Variants in CACNA1G observed in about 807,000 individuals in gnomAD.
The protein encoded by CACNA1G is calcium voltage-gated channel subunit alpha1 G.
CACNA1G carries 67 observed loss-of-function variants against 219.4 expected under a neutral mutation model. The ratio of observed to expected loss-of-function variants is 0.31; its 90% CI spans 0.25 to 0.37. The LOEUF is 0.37. Among genes scored for constraint, CACNA1G ranks in the 10% least tolerant of loss-of-function variants. The pLI is 1.00. For missense variants in CACNA1G, 2,380 were observed against 3,231.4 expected, an observed-to-expected ratio of 0.74 and a Z score of 6.39; for synonymous variants, 1,296 against 1,345.3, an observed-to-expected ratio of 0.96 and a Z score of 0.80.
chr17:50,618,153 G>T lies in CACNA1G; in HGVS notation c.5305+27G>T, dbSNP rs1221503548. 2.5e-6 allele frequency: 4 copies of T among 1,613,252 alleles called. No homozygotes were observed. The South Asian group carries it at 3.3e-5, about 13-fold the overall frequency. On this transcript the variant is annotated intron_variant, in intron 31 of 37. Transcript: ENST00000359106. This position sits in a 1 kb window ranked among gnomAD's most constrained non-coding sequence, Gnocchi z 5.3. ...TGAGTTGGGGTAGGGGAGGGTGGAG[G>T]AGCCAGGGCTGGAGACCAGGGGGCT...
intron 9 of CACNA1G, among the ~76,000 whole-genome samples, chr17:50,589,241 C>T (rs1264968163): frequency 6.6e-6 from 1 of 152,076 alleles, no homozygotes; most frequent in Non-Finnish European, 1.5e-5. Flanking sequence ...GCTCATGATC[C>T]CCCCACCCCG....
In CACNA1G at chr17:50,576,326, G is replaced by A. The variant is rs759240788; in HGVS notation, c.1924G>A (p.Gly642Ser). 1.5e-4 allele frequency: 236 copies of A among 1,567,186 alleles called. No homozygotes were observed. Among genetic ancestry groups the A allele is most frequent in the Non-Finnish European group, 2.0e-4 (230 of 1,156,172 alleles). ...MHKLLETQSTGACQSSCKISS... is the reference protein window; with the variant it reads ...MHKLLETQSTSACQSSCKISS... ...CAAGCTGCTGGAGACACAGAGTACAGGTGAGAACTCTGGGTGGAGGCATGT... is the reference window on the plus strand; with the variant it reads ...CAAGCTGCTGGAGACACAGAGTACAAGTGAGAACTCTGGGTGGAGGCATGT... Residue 642 changes from glycine (G) to serine (S), a missense_variant and splice_region_variant, in exon 8 of 38, where the codon GGT (glycine) becomes AGT (serine). Transcript: ENST00000359106.
rs1207353614 is a variant in CACNA1G, at chr17:50,599,576, G to T, written c.3407G>T (p.Gly1136Val). 1 of 1,612,872 alleles carries T rather than the reference G, an allele frequency of 6.2e-7. No individual in the cohort carries two copies. The highest frequency in any genetic ancestry group is 8.5e-7 in the Non-Finnish European group (1 of 1,179,532). ...CGGCGGTCCCTGTTGTCGGGAGAAGGCCAGGAGAGCCAGGATGAAGAGGAG... is the reference window on the plus strand; with the variant it reads ...CGGCGGTCCCTGTTGTCGGGAGAAGTCCAGGAGAGCCAGGATGAAGAGGAG... ...GERRSLLSGE[G>V]QESQDEEESS... Residue 1136 changes from glycine to valine, a missense_variant, in exon 17 of 38, where the codon GGC becomes GTC. Coordinates refer to ENST00000359106, the MANE Select transcript of CACNA1G (RefSeq NM_018896.5).
intron 7 of CACNA1G, 115 bp downstream of exon 7, chr17:50,573,228 C>T (rs1259764645): frequency 2.7e-6 from 2 of 732,954 alleles, no homozygotes; most frequent in South Asian, 1.6e-5. Context: ...AGGACAAGTC[C>T]TGTAGAGAGG....
Position 50,573,124 on chromosome 17 carries a change from C to A in CACNA1G, c.1140+11C>A, listed in dbSNP as rs532763901. The A allele has an allele frequency of 1.5e-5, 24 of 1,551,106 alleles. No individual in the cohort carries two copies. In the African/African-American group the frequency reaches 2.0e-4, roughly 13 times the overall value. ...ATCCTCCTCATCATCGTGAGTGACT[C>A]CTCAGATCCCCGTGGGGATGGGCGA... On this transcript the variant is annotated intron_variant, in intron 7 of 37. Transcript: ENST00000359106.
intron 3 of CACNA1G, 61 bp from the exon 4 acceptor site, chr17:50,569,645 C>G (rs760894370): frequency 7.9e-5 from 94 of 1,193,516 alleles, no homozygotes; most frequent in Middle Eastern, 3.8e-4. Context: ...CCTCATTGAC[C>G]TCTTTTGACC....
intron 3 of CACNA1G, 112 bp downstream of exon 3, chr17:50,569,410 C>A: frequency 1.7e-6 from 2 of 1,161,936 alleles, no homozygotes; most frequent in Non-Finnish European, 2.5e-6. Flanking sequence ...GCACCACTTT[C>A]TCCCTGGCTA....
chr17:50,597,092 C>T (rs967332948), intron 16 of CACNA1G, among the ~76,000 whole-genome samples, 169 bp downstream of exon 16: 1 of 152,122 alleles, frequency 6.6e-6, no homozygotes, highest in Non-Finnish European at 1.5e-5. Flanking sequence ...GTGATGCAAA[C>T]CAGGGTAGGA....
At chr17:50,604,067 CA>C in intron 21 of CACNA1G, 87 bp from the exon 22 acceptor site, 2 of 1,394,542 alleles carry the variant, frequency 1.4e-6, no homozygotes, top group Non-Finnish European at 1.9e-6. Flanking sequence ...GACCAGTGGT[CA>C]AGGTTGGGGG....
At chr17:50,623,263 ATTTTT>A (rs35058899) in intron 35 of CACNA1G, among the ~76,000 whole-genome samples, 1,590 of 50,908 alleles carry the variant, frequency 0.031, 55 homozygotes, top group African/African-American at 0.14. Flanking sequence ...TATCCAGCTA[ATTTTT>A]TTTTTTTTTT....
intron 4 of CACNA1G, among the ~76,000 whole-genome samples, chr17:50,570,899 G>T (rs2039291528): frequency 6.6e-6 from 1 of 152,208 alleles, no homozygotes. Flanking sequence ...CACCAAGAGG[G>T]TTAATTAGCT....
At chr17:50,609,969 G>A (rs776687415) in intron 26 of CACNA1G, 34 bp downstream of exon 26, 8 of 1,589,000 alleles carry the variant, frequency 5.0e-6, no homozygotes, top group Non-Finnish European at 3.4e-6. Context: ...CATGCGTGTG[G>A]GGACATGCTC....
rs543673731 is a variant in CACNA1G, at chr17:50,578,391, A to T, written c.2128A>T (p.Ser710Cys). The T allele has an allele frequency of 8.2e-5, 133 of 1,613,184 alleles. No individual in the cohort carries two copies. The highest frequency in any genetic ancestry group is 1.1e-4 in the Non-Finnish European group (129 of 1,179,854). Residue 710 changes from serine (S) to cysteine (C), a missense_variant, in exon 9 of 38, where the codon AGC becomes TGC. Physicochemically the swap from Ser to Cys is moderately radical, Grantham distance 112. This residue lies in a region of CACNA1G where 434 missense variants were observed against 417.3 expected (regional missense o/e 1.04). Transcript: ENST00000359106. The surrounding 1 kb of genome is among the most constrained non-coding windows in gnomAD (Gnocchi z 4.5). ...AQHSDLRDPH[S>C]RRQRSLGPDA... ...GCACAGCGACCTCCGGGACCCCCAC[A>T]GCCGGCGGCAACGGAGCCTGGGCCC...
At chr17:50,602,736 G>A in intron 19 of CACNA1G, 84 bp from the exon 20 acceptor site, 2 of 1,198,658 alleles carry the variant, frequency 1.7e-6, no homozygotes, top group Non-Finnish European at 2.5e-6. Flanking sequence ...GTTAGAAGCA[G>A]GTTTTGACTT....
intron 34 of CACNA1G, 93 bp downstream of exon 34, chr17:50,619,919 C>T (rs2051403353): frequency 7.8e-7 from 1 of 1,278,758 alleles, no homozygotes; most frequent in Non-Finnish European, 1.1e-6. Flanking sequence ...AGTGTTCCTG[C>T]CCACTGGGTA....
At chr17:50,606,810 C>A in intron 23 of CACNA1G, 90 bp from the exon 24 acceptor site, 3 of 870,728 alleles carry the variant, frequency 3.4e-6, no homozygotes, top group Admixed American at 2.0e-5. Flanking sequence ...GTACTTGGAG[C>A]TGATGCAGGA....
chr17:50,608,313 C>T (rs535424257), intron 25 of CACNA1G, among the ~76,000 whole-genome samples: 59 of 152,178 alleles, frequency 3.9e-4, no homozygotes, highest in African/African-American at 1.3e-3. Flanking sequence ...CCAGCCTCCC[C>T]GAGCTTGACT....
At chr17:50,569,433 C>A in intron 3 of CACNA1G, 135 bp downstream of exon 3, 1 of 941,034 alleles carries the variant, frequency 1.1e-6, no homozygotes, top group Non-Finnish European at 1.6e-6. Context: ...TCCTGAGGGT[C>A]TGAGGCTGCC....
rs1011996354 is a variant in CACNA1G, at chr17:50,603,262, C to T, written c.4169+63C>T. On this transcript the variant is annotated intron_variant, in intron 21 of 37. Coordinates refer to ENST00000359106, the MANE Select transcript of CACNA1G (RefSeq NM_018896.5). The surrounding 1 kb of genome is among the most constrained non-coding windows in gnomAD (Gnocchi z 6.4). Reference sequence around the variant, plus strand: ...TGGCCCCCTCCGCAGGGACATCTCCCACCGCCAGCACTCCCTGCCACGAAA... The same window carrying T: ...TGGCCCCCTCCGCAGGGACATCTCCTACCGCCAGCACTCCCTGCCACGAAA... The T allele has an allele frequency of 1.0e-5, 14 of 1,378,024 alleles. No individual in the cohort carries two copies. The African/African-American group carries it at 1.6e-4, about 15-fold the overall frequency. The allele number at this position is 1,378,024 out of a possible 1,614,324, so 85.4% of individuals were successfully genotyped here.
Sources: allele counts gnomAD v4.1 joint callset (sites outside exome capture counted in the v4.1 genomes callset), GRCh38; gene constraint gnomAD v4.1.1; regional missense constraint gnomAD v4.1.1; non-coding constraint Gnocchi (gnomAD v3.1); transcripts MANE v1.5; gene names NCBI Gene and HGNC (gene_info 2026-07-23, HGNC 2026-07-21).